DCUN1D4: variants seen among roughly 807,000 people sequenced by gnomAD.
The protein encoded by DCUN1D4 is DCN1-like protein 4.
DCUN1D4 carries 22 observed loss-of-function variants against 47.9 expected under a neutral mutation model. That is an observed-to-expected ratio of 0.46 (90% CI 0.33 to 0.66). The LOEUF (loss-of-function observed/expected upper bound fraction) is 0.66. DCUN1D4 is among the 30% of genes least tolerant of loss of function. The pLI, the probability that DCUN1D4 is intolerant of heterozygous loss-of-function variation, is 0.02. For missense variants in DCUN1D4, 301 were observed against 340.8 expected (o/e 0.88, Z 0.92); for synonymous variants, 121 against 112.2 (o/e 1.08, Z -0.50).
chr4:51,910,556 A>G (rs945212704), intron 8 of DCUN1D4, among the ~76,000 whole-genome samples: 5 of 152,170 alleles, frequency 3.3e-5, no homozygotes, highest in Non-Finnish European at 7.3e-5. Flanking sequence ...AGCATTTGGT[A>G]TGAGCTGAAG....
intron 7 of DCUN1D4, among the ~76,000 whole-genome samples, chr4:51,892,328 G>A (rs912200589): frequency 2.0e-5 from 3 of 152,100 alleles, no homozygotes; most frequent in African/African-American, 7.2e-5. Flanking sequence ...AAAATCTGGG[G>A]TTTATTTTGT....
intron 5 of DCUN1D4, among the ~76,000 whole-genome samples, chr4:51,883,173 G>A (rs947883631): frequency 6.6e-6 from 1 of 152,226 alleles, no homozygotes; most frequent in Non-Finnish European, 1.5e-5. Flanking sequence ...GACACAGTCA[G>A]TGAAAAAGGC....
chr4:51,897,409 C>A (rs1348335839), intron 7 of DCUN1D4, among the ~76,000 whole-genome samples: 2 of 151,964 alleles, frequency 1.3e-5, no homozygotes, highest in African/African-American at 2.4e-5. Context: ...ATACAGTATA[C>A]AAAATATATT....
chr4:51,864,013 A>G (rs895432523), intron 3 of DCUN1D4, among the ~76,000 whole-genome samples: 5 of 152,240 alleles, frequency 3.3e-5, no homozygotes, highest in East Asian at 3.8e-4. Flanking sequence ...CAGTAATGCA[A>G]TTTGAAAGGT....
At chr4:51,871,011 A>G (rs1169597842) in intron 3 of DCUN1D4, among the ~76,000 whole-genome samples, 1 of 151,920 alleles carries the variant, frequency 6.6e-6, no homozygotes, top group East Asian at 1.9e-4. Context: ...GCCATGTGAG[A>G]GTCAGTGAGT....
chr4:51,843,227 T>G lies in DCUN1D4; in HGVS notation c.-16T>G. On this transcript the variant is annotated 5_prime_UTR_variant, in exon 1 of 11. Transcript: ENST00000334635. The stretch of plus-strand genomic sequence containing the variant: ...GCGGGAGCCTGGGCGGCGAGCCGGG[T>G]GTGAGCTGCCTGAAAATGCACTCGG... The G allele has an allele frequency of 6.5e-7, 1 of 1,541,080 alleles. No individual in the cohort carries two copies. The highest frequency in any genetic ancestry group is 1.2e-5 in the South Asian group (1 of 82,916).
intron 9 of DCUN1D4, among the ~76,000 whole-genome samples, chr4:51,912,971 TGAA>T (rs1373158146): frequency 5.3e-5 from 8 of 152,224 alleles, no homozygotes; most frequent in Non-Finnish European, 7.4e-5. Context: ...AATATCTTTA[TGAA>T]GTAGATATTA....
At chr4:51,840,730 C>T (rs1275407761), upstream of DCUN1D4, among the ~76,000 whole-genome samples, 2 of 152,082 alleles carry the variant, frequency 1.3e-5, no homozygotes, top group Non-Finnish European at 2.9e-5. Context: ...TTCCTGATAT[C>T]AGAGGTTTAT....
At chr4:51,900,756 A>G (rs575431751) in intron 8 of DCUN1D4, among the ~76,000 whole-genome samples, 4 of 152,122 alleles carry the variant, frequency 2.6e-5, no homozygotes, top group South Asian at 4.2e-4. Flanking sequence ...AGGATTATAT[A>G]GTTTATTTCA....
intron 9 of DCUN1D4, 62 bp from the exon 10 acceptor site, chr4:51,913,228 T>C: frequency 9.4e-7 from 1 of 1,065,840 alleles, no homozygotes; most frequent in Non-Finnish European, 1.4e-6. Context: ...ATAAAGCAAT[T>C]GAAACCGTCC....
chr4:51,876,637 G>A (rs1209890782), intron 4 of DCUN1D4, among the ~76,000 whole-genome samples: 1 of 152,108 alleles, frequency 6.6e-6, no homozygotes, highest in Non-Finnish European at 1.5e-5. Flanking sequence ...GTCTACTTCT[G>A]TGGATTTTTT....
upstream of DCUN1D4, among the ~76,000 whole-genome samples, chr4:51,839,441 A>C (rs1392003967): frequency 1.3e-5 from 2 of 152,194 alleles, no homozygotes; most frequent in African/African-American, 4.8e-5. Context: ...AGTTAAGTAG[A>C]TTAGTTTACC....
At chr4:51,893,683 A>G (rs1730801362) in intron 7 of DCUN1D4, among the ~76,000 whole-genome samples, 1 of 152,134 alleles carries the variant, frequency 6.6e-6, no homozygotes, top group Non-Finnish European at 1.5e-5. Flanking sequence ...CAGCCTCCCA[A>G]GGTGTTGGGA....
intron 1 of DCUN1D4, among the ~76,000 whole-genome samples, chr4:51,846,737 G>A (rs183917078): frequency 1.7e-4 from 26 of 152,098 alleles, no homozygotes; most frequent in African/African-American, 6.3e-4. Flanking sequence ...ATTATTGTTC[G>A]GTAGCAAGAA....
chr4:51,873,959 A>C (rs1727283220), intron 3 of DCUN1D4, among the ~76,000 whole-genome samples: 1 of 152,208 alleles, frequency 6.6e-6, no homozygotes, highest in African/African-American at 2.4e-5. Context: ...GAGAACATTG[A>C]CATATAAGAG....
At chr4:51,850,214 A>G (rs925737271) in intron 1 of DCUN1D4, among the ~76,000 whole-genome samples, 2 of 152,248 alleles carry the variant, frequency 1.3e-5, no homozygotes, top group Non-Finnish European at 2.9e-5. Context: ...TTACTGAACT[A>G]TGAAATCCAA....
At chr4:51,845,369 G>A in intron 1 of DCUN1D4, 4 of 725,710 alleles carry the variant, frequency 5.5e-6, no homozygotes, top group Non-Finnish European at 6.7e-6. Flanking sequence ...GAAATGTGAA[G>A]GTGAGCAAAG....
chr4:51,911,672 T>C (rs1733733139), intron 9 of DCUN1D4, among the ~76,000 whole-genome samples: 1 of 152,166 alleles, frequency 6.6e-6, no homozygotes, highest in Admixed American at 6.6e-5. Flanking sequence ...CAATATCTCC[T>C]TCAGTTTAAA....
intron 1 of DCUN1D4, chr4:51,845,153 C>G (rs1483448692): frequency 1.0e-6 from 1 of 985,432 alleles, no homozygotes; most frequent in African/African-American, 1.7e-5. Flanking sequence ...TGTAAAGCAG[C>G]CTTTAGAATG....
Sources: gnomAD v4.1 joint callset for allele counts (sites outside exome capture counted in the v4.1 genomes callset) on GRCh38, gnomAD v4.1.1 for gene constraint, MANE v1.5 for transcripts, NCBI Gene and HGNC (gene_info 2026-07-23, HGNC 2026-07-21) for gene names.